Variants in MYO16 observed in about 807,000 individuals in gnomAD.
MYO16 encodes myosin XVI, also known as unconventional myosin-XVI.
A neutral mutation model predicts 205.3 loss-of-function variants in MYO16; 94 were observed. The observed-to-expected ratio is 0.46, with a 90% confidence interval of 0.39 to 0.54. The LOEUF (loss-of-function observed/expected upper bound fraction) is 0.54, where lower values mean the gene tolerates loss of function less well. MYO16 is among the 20% of genes least tolerant of loss of function. MYO16 has a pLI of 0.00. For synonymous variants in MYO16, 988 were observed against 954.0 expected (o/e 1.04, Z -0.66); for missense variants, 2,315 against 2,387.5 (o/e 0.97, Z 0.63).
At chr13:108,885,322 G>A (rs1346510054) in intron 13 of MYO16, among the ~76,000 whole-genome samples, 2 of 152,112 alleles carry the variant, frequency 1.3e-5, no homozygotes, top group Non-Finnish European at 2.9e-5. Flanking sequence ...GTGTCACCAC[G>A]TTGGTCAGGC....
chr13:108,755,499 A>T (rs1388104977), intron 4 of MYO16, among the ~76,000 whole-genome samples: 1 of 152,014 alleles, frequency 6.6e-6, no homozygotes, highest in East Asian at 1.9e-4. Context: ...CTTTAACATA[A>T]TTATTAACAT....
At position 109,134,168 on chromosome 13, in the gene MYO16, A is replaced by G. The variant is rs544536378; in HGVS notation, c.4052-6096A>G. 8.1e-4 allele frequency among the ~76,000 whole-genome samples: 124 copies of G among 152,354 alleles called. No homozygotes were observed. In the Middle Eastern group the frequency reaches 0.027, roughly 33 times the overall value. On this transcript the variant is annotated intron_variant, in intron 31 of 34. Transcript: ENST00000457511. ...AATAGCCCTACCTAGTAGGACTGTC[A>G]TCATGACCCTATGTAGAGAAGGGCA...
intron 2 of MYO16, among the ~76,000 whole-genome samples, chr13:108,695,937 G>T (rs1252310112): frequency 6.6e-6 from 1 of 152,170 alleles, no homozygotes; most frequent in Non-Finnish European, 1.5e-5. Flanking sequence ...ATATGCAACT[G>T]ATGCAGAACT....
At chr13:108,852,516 A>C (rs1877932437) in intron 10 of MYO16, among the ~76,000 whole-genome samples, 1 of 152,190 alleles carries the variant, frequency 6.6e-6, no homozygotes, top group Admixed American at 6.5e-5. Flanking sequence ...TGAATGCCAA[A>C]ATTTTAAAAA....
chr13:108,624,257 G>T (rs944711313), intron 1 of MYO16, among the ~76,000 whole-genome samples: 4 of 152,148 alleles, frequency 2.6e-5, no homozygotes, highest in African/African-American at 7.2e-5. Flanking sequence ...ATTTCAGCCT[G>T]GTGTCCCAGC....
At chr13:108,717,085 AATTATGT>A (rs1883972831) in intron 3 of MYO16, among the ~76,000 whole-genome samples, 1 of 151,996 alleles carries the variant, frequency 6.6e-6, no homozygotes, top group African/African-American at 2.4e-5. Flanking sequence ...CAAAAAAAAA[AATTATGT>A]TTATGAAGTA....
intron 12 of MYO16, among the ~76,000 whole-genome samples, chr13:108,869,003 T>C (rs1250126787): frequency 1.3e-5 from 2 of 152,164 alleles, no homozygotes; most frequent in African/African-American, 2.4e-5. Flanking sequence ...GGATATAGAA[T>C]TTCCATTCAG....
intron 2 of MYO16, among the ~76,000 whole-genome samples, chr13:108,709,276 A>C (rs1301635645): frequency 6.6e-6 from 1 of 152,224 alleles, no homozygotes; most frequent in Admixed American, 6.5e-5. Flanking sequence ...TTTTGGATAA[A>C]GTATTTTAAC....
intron 22 of MYO16, among the ~76,000 whole-genome samples, chr13:109,015,673 T>G (rs1885785756): frequency 6.6e-6 from 1 of 152,212 alleles, no homozygotes; most frequent in East Asian, 1.9e-4. Context: ...TTCAGCTTCT[T>G]CCTGGTTTAG....
At chr13:108,785,940 T>G (rs1886445381) in intron 5 of MYO16, among the ~76,000 whole-genome samples, 197 bp downstream of exon 5, 1 of 152,360 alleles carries the variant, frequency 6.6e-6, no homozygotes, top group South Asian at 2.1e-4. Flanking sequence ...CTGGTTTTTT[T>G]GCAAGCCAGC....
At chr13:109,078,091 T>TGTTTCTA (rs1888167168) in intron 27 of MYO16, among the ~76,000 whole-genome samples, 1 of 152,156 alleles carries the variant, frequency 6.6e-6, no homozygotes, top group Non-Finnish European at 1.5e-5. Context: ...TTTAAGTTAT[T>TGTTTCTA]GTAGTTTTTG....
chr13:108,740,044 T>G (rs7989176), intron 4 of MYO16, among the ~76,000 whole-genome samples: 4,439 of 152,210 alleles, frequency 0.029, 210 homozygotes, highest in African/African-American at 0.1. Context: ...CGTCTAATCT[T>G]TTTTAGAGGT....
intron 5 of MYO16, among the ~76,000 whole-genome samples, chr13:108,786,706 C>A (rs567649750): frequency 6.6e-6 from 1 of 152,186 alleles, no homozygotes; most frequent in Admixed American, 6.5e-5. Context: ...TAGTCTTATT[C>A]TCTGTGAAAG....
chr13:108,659,220 A>C (rs1881383226), intron 1 of MYO16: 1 of 156,384 alleles, frequency 6.4e-6, no homozygotes, highest in Non-Finnish European at 1.3e-5. Context: ...GTGTGTATAT[A>C]TATATGATAT....
chr13:108,994,630 A>C (rs1366022740), intron 21 of MYO16, among the ~76,000 whole-genome samples: 9 of 152,174 alleles, frequency 5.9e-5, no homozygotes, highest in Admixed American at 5.9e-4. Context: ...TTCAGAATCA[A>C]ACCTAGAAGA....
chr13:108,562,664 G>C, the MYO16 span, among the ~76,000 whole-genome samples: 9 of 152,046 alleles, frequency 5.9e-5, no homozygotes, highest in Non-Finnish European at 1.3e-4. Context: ...CAACAATGGT[G>C]GTCCCATGAG....
intron 2 of MYO16, among the ~76,000 whole-genome samples, chr13:108,682,849 T>C (rs1381353719): frequency 6.6e-6 from 1 of 152,142 alleles, no homozygotes; most frequent in Admixed American, 6.5e-5. Flanking sequence ...GGACTGATAG[T>C]GGAAGAATGT....
intron 1 of MYO16, among the ~76,000 whole-genome samples, chr13:108,646,628 C>T (rs756911433): frequency 3.4e-4 from 52 of 152,280 alleles, no homozygotes; most frequent in South Asian, 1.7e-3. Context: ...ACTAAATTCT[C>T]CTTCCATCTG....
chr13:108,610,175 C>T (rs1460776744), intron 1 of MYO16, among the ~76,000 whole-genome samples: 1 of 152,076 alleles, frequency 6.6e-6, no homozygotes. Context: ...AACAGTAGTA[C>T]AGAGTTTGTA....
Sources: allele counts gnomAD v4.1 joint callset (sites outside exome capture counted in the v4.1 genomes callset), GRCh38; gene constraint gnomAD v4.1.1; transcripts MANE v1.5; gene names NCBI Gene and HGNC (gene_info 2026-07-23, HGNC 2026-07-21).